SEMA3D: variants seen among roughly 807,000 people sequenced by gnomAD.
SEMA3D encodes semaphorin-3D.
SEMA3D carries 84 observed loss-of-function variants against 100.1 expected under a neutral mutation model. The ratio of observed to expected loss-of-function variants is 0.84; its 90% CI spans 0.70 to 1.01. The LOEUF is 1.01. SEMA3D is among the 50% of genes least tolerant of loss of function. SEMA3D has a pLI of 0.00. For synonymous variants in SEMA3D, 312 were observed against 320.7 expected, an observed-to-expected ratio of 0.97 and a Z score of 0.29; for missense variants, 875 against 934.1, an observed-to-expected ratio of 0.94 and a Z score of 0.82.
intron 1 of SEMA3D, among the ~76,000 whole-genome samples, chr7:85,159,211 G>A (rs1258395021): frequency 6.6e-6 from 1 of 152,172 alleles, no homozygotes; most frequent in Non-Finnish European, 1.5e-5. Flanking sequence ...AGTAAGGGTA[G>A]AGGAGGGTGT....
chr7:85,066,913 C>CACAGAGAGAGAG, intron 7 of SEMA3D, among the ~76,000 whole-genome samples: 78 of 127,814 alleles, frequency 6.1e-4, no homozygotes, highest in African/African-American at 2.2e-3. Flanking sequence ...CACACACACA[C>CACAGAGAGAGAG]AGAGAGAGAG....
intron 10 of SEMA3D, 103 bp from the exon 11 acceptor site, chr7:85,040,845 G>T (rs1410239393): frequency 4.8e-6 from 3 of 626,828 alleles, no homozygotes; most frequent in Non-Finnish European, 8.5e-6. Context: ...CAGTTTATAC[G>T]ATTAACAGAG....
chr7:85,232,159 G>T, the SEMA3D span, among the ~76,000 whole-genome samples: 1 of 152,216 alleles, frequency 6.6e-6, no homozygotes, highest in East Asian at 1.9e-4. Context: ...GGAGTGAGTT[G>T]GCCTCAGAAA....
rs965507163 is a variant in SEMA3D, at chr7:85,050,726, A to T, written c.861+4991T>A. 17 of 524,450 alleles carry T rather than the reference A, an allele frequency of 3.2e-5. No individual in the cohort carries two copies. In the African/African-American group the frequency reaches 3.4e-4, roughly 10 times the overall value. The allele number at this position is 524,450 out of a possible 1,614,324, so 32.5% of individuals were successfully genotyped here. On this transcript the variant is annotated intron_variant, in intron 9 of 18. Transcript: ENST00000284136. Reference sequence around the variant, plus strand: ...TACTTTGACTATGTTCAGAAATAAGATCAATCTTCAAAGCACAAATTCTCC... The same window carrying T: ...TACTTTGACTATGTTCAGAAATAAGTTCAATCTTCAAAGCACAAATTCTCC...
At chr7:85,193,409 T>C in the SEMA3D span, among the ~76,000 whole-genome samples, 1 of 152,090 alleles carries the variant, frequency 6.6e-6, no homozygotes, top group Admixed American at 6.6e-5. Context: ...CCCTCTGCCT[T>C]TAGCAGGGAG....
At chr7:85,016,694 C>G (rs1790113247) in intron 15 of SEMA3D, among the ~76,000 whole-genome samples, 1 of 151,728 alleles carries the variant, frequency 6.6e-6, no homozygotes, top group East Asian at 2.0e-4. Flanking sequence ...CACTGCCACA[C>G]CAGACTAATC....
intron 7 of SEMA3D, among the ~76,000 whole-genome samples, chr7:85,067,467 A>C (rs1254818617): frequency 6.6e-6 from 1 of 152,202 alleles, no homozygotes; most frequent in Non-Finnish European, 1.5e-5. Context: ...GAAAATTAAA[A>C]TGTCATGGTG....
chr7:85,164,195 T>C (rs1790829006), intron 1 of SEMA3D, among the ~76,000 whole-genome samples: 2 of 152,144 alleles, frequency 1.3e-5, no homozygotes, highest in African/African-American at 2.4e-5. Context: ...TTCATAACGT[T>C]GCTACATGGG....
chr7:85,172,540 T>C (rs896872195), intron 1 of SEMA3D, among the ~76,000 whole-genome samples: 28 of 152,146 alleles, frequency 1.8e-4, no homozygotes, highest in African/African-American at 6.5e-4. Context: ...GGAACAAAGA[T>C]GTACTTTGCA....
At chr7:85,249,017 G>GTAACAAAT in the SEMA3D span, among the ~76,000 whole-genome samples, 1 of 152,152 alleles carries the variant, frequency 6.6e-6, no homozygotes, top group Non-Finnish European at 1.5e-5. Context: ...TTAATTAGTT[G>GTAACAAAT]TAACAAATGT....
intron 3 of SEMA3D, among the ~76,000 whole-genome samples, chr7:85,115,892 A>G (rs1789225476): frequency 6.6e-6 from 1 of 152,176 alleles, no homozygotes; most frequent in Non-Finnish European, 1.5e-5. Flanking sequence ...ATAAGAAACT[A>G]CCAAAAAAAT....
At chr7:85,208,744 T>A in the SEMA3D span, among the ~76,000 whole-genome samples, 1 of 151,986 alleles carries the variant, frequency 6.6e-6, no homozygotes, top group South Asian at 2.1e-4. Flanking sequence ...AAAGGTGGGG[T>A]GGCAAAGACA....
At chr7:85,195,462 AC>A in the SEMA3D span, among the ~76,000 whole-genome samples, 1 of 151,808 alleles carries the variant, frequency 6.6e-6, no homozygotes, top group African/African-American at 2.4e-5. Flanking sequence ...AGACAGTGTC[AC>A]CCAGAATCTG....
At chr7:85,013,277 A>G (rs1406496981) in intron 16 of SEMA3D, among the ~76,000 whole-genome samples, 1 of 151,752 alleles carries the variant, frequency 6.6e-6, no homozygotes, top group Non-Finnish European at 1.5e-5. Flanking sequence ...AATACAAAAC[A>G]CCTTGTCATG....
chr7:85,079,932 A>T (rs1339148789), intron 5 of SEMA3D, among the ~76,000 whole-genome samples: 1 of 152,160 alleles, frequency 6.6e-6, no homozygotes, highest in African/African-American at 2.4e-5. Flanking sequence ...TTGGTGTTGG[A>T]CTATTGAACT....
rs1393122369 is a variant in SEMA3D at position 84,997,192 on chromosome 7, T to C, written c.*2248A>G. 1.3e-5 allele frequency: 2 copies of C among 152,074 alleles called. No individual in the cohort carries two copies. Among genetic ancestry groups the C allele is most frequent in the Non-Finnish European group, 2.9e-5 (2 of 67,928 alleles). 9.4% of individuals were successfully genotyped at this position (152,074 alleles called of 1,614,324 possible). ...CTAAAAAATGGTTTGGACATTCAAA[T>C]TTGGATAGAAATAAAATTTATTTTC... On this transcript the variant is annotated 3_prime_UTR_variant, in exon 19 of 19. Transcript: ENST00000284136.
At chr7:85,143,726 A>ATTTTTTT in intron 2 of SEMA3D, among the ~76,000 whole-genome samples, 1 of 147,048 alleles carries the variant, frequency 6.8e-6, no homozygotes, top group Non-Finnish European at 1.5e-5. Context: ...GAGACATGTA[A>ATTTTTTT]TTTTTTTTTT....
chr7:85,123,064 T>C (rs530774270), intron 2 of SEMA3D, among the ~76,000 whole-genome samples: 1 of 152,318 alleles, frequency 6.6e-6, no homozygotes, highest in South Asian at 2.1e-4. Context: ...TTTATCTCAC[T>C]TCACCGATGA....
intron 3 of SEMA3D, among the ~76,000 whole-genome samples, chr7:85,120,462 G>A (rs908954208): frequency 6.6e-6 from 1 of 151,960 alleles, no homozygotes; most frequent in Non-Finnish European, 1.5e-5. Flanking sequence ...GAGGTCAGGG[G>A]TTTGAGACCA....
Sources: allele counts gnomAD v4.1 joint callset (sites outside exome capture counted in the v4.1 genomes callset), GRCh38; gene constraint gnomAD v4.1.1; transcripts MANE v1.5; gene names NCBI Gene and HGNC (gene_info 2026-07-23, HGNC 2026-07-21).